Variants in C10orf53 observed in about 807,000 individuals in gnomAD.
C10orf53 encodes UPF0728 protein C10orf53.
C10orf53 carries 8 observed loss-of-function variants against 9.4 expected under a neutral mutation model. The ratio of observed to expected loss-of-function variants is 0.85; its 90% CI spans 0.50 to 1.53. The LOEUF (loss-of-function observed/expected upper bound fraction) is 1.53. Ranked by LOEUF, C10orf53 falls within the 40% of genes most tolerant of loss-of-function variation. The pLI is 0.00. For missense variants in C10orf53, 117 were observed against 117.8 expected, an observed-to-expected ratio of 0.99 and a Z score of 0.03; for synonymous variants, 48 against 46.0, an observed-to-expected ratio of 1.04 and a Z score of -0.18.
intron 1 of C10orf53, 123 bp from the exon 2 acceptor site, chr10:49,693,651 G>A (rs1371819241): frequency 2.4e-6 from 3 of 1,250,116 alleles, no homozygotes; most frequent in Non-Finnish European, 3.4e-6. Flanking sequence ...TACCAGGGCA[G>A]TTGAGTGATA....
chr10:49,679,888 C>A, intron 1 of C10orf53, 94 bp downstream of exon 1: 1 of 1,123,474 alleles, frequency 8.9e-7, no homozygotes, highest in South Asian at 1.8e-5. Context: ...CAGACCCCCA[C>A]GAAGCGCCAC....
chr10:49,691,380 A>G (rs1039265391), intron 1 of C10orf53, among the ~76,000 whole-genome samples: 2 of 152,236 alleles, frequency 1.3e-5, no homozygotes, highest in African/African-American at 4.8e-5. Context: ...CTGTGGGTCC[A>G]AAAGTGTCGT....
At chr10:49,689,148 C>T (rs1340795441) in intron 1 of C10orf53, among the ~76,000 whole-genome samples, 1 of 152,054 alleles carries the variant, frequency 6.6e-6, no homozygotes, top group East Asian at 1.9e-4. Context: ...GGCAAGACTG[C>T]GGAGGAAGCA....
downstream of C10orf53, among the ~76,000 whole-genome samples, chr10:49,700,484 T>C (rs908808874): frequency 2.0e-5 from 3 of 152,148 alleles, no homozygotes; most frequent in African/African-American, 7.2e-5. Context: ...CTGGGCCTCA[T>C]GTTCTTGGGC....
At chr10:49,701,074 C>T (rs754614127), downstream of C10orf53, among the ~76,000 whole-genome samples, 1 of 152,084 alleles carries the variant, frequency 6.6e-6, no homozygotes, top group Non-Finnish European at 1.5e-5. Context: ...TTAAAATCTG[C>T]ATTTACATTA....
intron 1 of C10orf53, among the ~76,000 whole-genome samples, chr10:49,684,414 A>G (rs1217882221): frequency 6.6e-6 from 1 of 152,238 alleles, no homozygotes; most frequent in Non-Finnish European, 1.5e-5. Flanking sequence ...GGAATGTGAT[A>G]GGTATTGCAT....
chr10:49,698,614 A>G (rs913196005), downstream of C10orf53, among the ~76,000 whole-genome samples: 2 of 152,212 alleles, frequency 1.3e-5, no homozygotes, highest in African/African-American at 4.8e-5. Context: ...TGTTGGCCAA[A>G]TCCAGGTAAA....
intron 1 of C10orf53, among the ~76,000 whole-genome samples, chr10:49,684,592 C>CTACG (rs34689479): frequency 6.6e-6 from 1 of 152,226 alleles, no homozygotes; most frequent in Non-Finnish European, 1.5e-5. Context: ...GCATATATTC[C>CTACG]TGTTTTGTTC....
intron 2 of C10orf53, among the ~76,000 whole-genome samples, chr10:49,705,217 T>C (rs559042474): frequency 1.3e-5 from 2 of 152,264 alleles, no homozygotes; most frequent in South Asian, 4.1e-4. Flanking sequence ...AAAGAACATA[T>C]GGGTATGCAT....
At chr10:49,706,679 A>G (rs1258233) in intron 2 of C10orf53, among the ~76,000 whole-genome samples, 56,715 of 152,108 alleles carry the variant, frequency 0.37, 12,801 homozygotes, top group East Asian at 0.81. Flanking sequence ...GTTCATGAAC[A>G]TAGTAAAATC....
chr10:49,694,434 A>G (rs1329062069), intron 2 of C10orf53, 104 bp from the exon 3 acceptor site: 6 of 1,470,122 alleles, frequency 4.1e-6, no homozygotes, highest in Non-Finnish European at 5.6e-6. Context: ...TTACCAGCCC[A>G]TGGCCTTTGA....
exon 3 of C10orf53, chr10:49,709,062 C>A: frequency 5.8e-6 from 1 of 171,546 alleles, no homozygotes. Flanking sequence ...AATCATCTTT[C>A]CCAAGCATTG....
At position 49,708,263 on chromosome 10, in the gene C10orf53, G is replaced by T. The variant is rs1199826268; in HGVS notation, c.218-98G>T. The T allele has an allele frequency of 3.3e-6, 5 of 1,521,978 alleles. No individual in the cohort carries two copies. In the South Asian group the frequency reaches 6.7e-5, roughly 20 times the overall value. The allele number at this position is 1,521,978 out of a possible 1,614,324, so 94.3% of individuals were successfully genotyped here. A position where few individuals can be genotyped will look rare whatever the true frequency, so the allele number is the denominator to read the frequency against. ...TTGGTTTGTATACCTGAAAAGTCCA[G>T]CTATAGGCATAGGTGAATATGAGTG... On this transcript the variant is annotated intron_variant, in intron 2 of 2. Coordinates refer to the C10orf53 transcript ENST00000374112.
chr10:49,704,613 G>A (rs1287798839), intron 2 of C10orf53, among the ~76,000 whole-genome samples: 2 of 152,080 alleles, frequency 1.3e-5, no homozygotes, highest in African/African-American at 2.4e-5. Context: ...GCATGGTGGT[G>A]CACGCCTGTA....
chr10:49,701,396 C>T (rs1554812098), downstream of C10orf53, among the ~76,000 whole-genome samples: 3 of 151,790 alleles, frequency 2.0e-5, no homozygotes, highest in Non-Finnish European at 2.9e-5. Flanking sequence ...CAAATTGCTG[C>T]GTTTTTTTTT....
In C10orf53 at chr10:49,682,631, C is replaced by T. The variant is rs556621436; in HGVS notation, c.97+2837C>T. 7.2e-4 allele frequency among the ~76,000 whole-genome samples: 110 copies of T among 152,192 alleles called. No homozygotes were observed. In the Middle Eastern group the frequency reaches 0.01, roughly 14 times the overall value. On this transcript the variant is annotated intron_variant, in intron 1 of 2. Coordinates refer to ENST00000374111, the MANE Select transcript of C10orf53 (RefSeq NM_001042427.3). ...CAGCTTTTATTCCCTTAGTTGGTCC[C>T]GCCCATGTCCTGCTGATTGGTCCAT...
At position 49,696,611 on chromosome 10, in the gene C10orf53, C is replaced by A. The variant is rs1316362936; in HGVS notation, c.*2009C>A. On this transcript the variant is annotated 3_prime_UTR_variant, in exon 3 of 3. Coordinates refer to ENST00000374111, the MANE Select transcript of C10orf53 (RefSeq NM_001042427.3). ...GAGCTGAAGGGCAGGTAAGGCGAGA[C>A]AGTACACGGATTCTAAGAAATACCG... Among the ~76,000 whole-genome samples, 1 of 152,176 alleles carries A rather than the reference C, an allele frequency of 6.6e-6. No homozygotes were observed. The highest frequency in any genetic ancestry group is 1.5e-5 in the Non-Finnish European group (1 of 68,048).
chr10:49,703,287 C>G (rs1840697673), intron 2 of C10orf53, among the ~76,000 whole-genome samples: 1 of 152,194 alleles, frequency 6.6e-6, no homozygotes, highest in Non-Finnish European at 1.5e-5. Context: ...ACTCCTTTAC[C>G]TGCACTTCAT....
At chr10:49,688,881 T>C (rs945763239) in intron 1 of C10orf53, among the ~76,000 whole-genome samples, 4 of 152,206 alleles carry the variant, frequency 2.6e-5, no homozygotes, top group Non-Finnish European at 4.4e-5. Flanking sequence ...TCCCTCTGCC[T>C]CCCTCTTCCT....
Sources: allele counts gnomAD v4.1 joint callset (sites outside exome capture counted in the v4.1 genomes callset), GRCh38; gene constraint gnomAD v4.1.1; transcripts MANE v1.5; gene names NCBI Gene and HGNC (gene_info 2026-07-23, HGNC 2026-07-21).